CDKAL1: variants seen among roughly 807,000 people sequenced by gnomAD.
CDKAL1 encodes the protein threonylcarbamoyladenosine tRNA methylthiotransferase.
Under a neutral mutation model 68.2 loss-of-function variants are expected in CDKAL1, and 32 were observed. The ratio of observed to expected loss-of-function variants is 0.47; its 90% CI spans 0.35 to 0.63. The LOEUF is 0.63. Ranked by LOEUF, CDKAL1 falls within the 30% of genes least tolerant of loss-of-function variation. The pLI is 0.00. For missense variants in CDKAL1, 606 were observed against 696.7 expected (o/e 0.87, Z 1.47); for synonymous variants, 234 against 244.3 (o/e 0.96, Z 0.39).
chr6:20,634,795 T>A (rs7756031), intron 4 of CDKAL1, among the ~76,000 whole-genome samples: 4 of 151,366 alleles, frequency 2.6e-5, no homozygotes, highest in Non-Finnish European at 5.9e-5. Flanking sequence ...CTGACCAACA[T>A]GGTGAAACCC....
intron 15 of CDKAL1, among the ~76,000 whole-genome samples, chr6:21,208,800 C>T (rs961464231): frequency 6.6e-6 from 1 of 152,082 alleles, no homozygotes; most frequent in African/African-American, 2.4e-5. Flanking sequence ...AGCTTTTATT[C>T]TATGCTGCTG....
At chr6:20,825,746 AT>A (rs955830128) in intron 8 of CDKAL1, among the ~76,000 whole-genome samples, 2 of 152,124 alleles carry the variant, frequency 1.3e-5, no homozygotes, top group African/African-American at 4.8e-5. Flanking sequence ...TAATTAATGA[AT>A]TTTAAATGGT....
At chr6:20,975,052 G>A (rs1435914418) in intron 10 of CDKAL1, among the ~76,000 whole-genome samples, 1 of 149,398 alleles carries the variant, frequency 6.7e-6, no homozygotes, top group Non-Finnish European at 1.5e-5. Context: ...CAAGAAGACT[G>A]TTTTTAGCAA....
chr6:20,862,638 T>TGC (rs1491544443), intron 9 of CDKAL1, among the ~76,000 whole-genome samples: 2 of 24,272 alleles, frequency 8.2e-5, no homozygotes, highest in African/African-American at 2.1e-4. Context: ...TTCCAACTTG[T>TGC]GTGTGTGTGT....
At chr6:21,179,248 G>GA (rs1192841764) in intron 13 of CDKAL1, among the ~76,000 whole-genome samples, 1 of 152,168 alleles carries the variant, frequency 6.6e-6, no homozygotes, top group Admixed American at 6.5e-5. Context: ...GACCTTAGTA[G>GA]AAACACTACC....
At chr6:21,089,952 C>T (rs1202244887) in intron 12 of CDKAL1, among the ~76,000 whole-genome samples, 2 of 152,182 alleles carry the variant, frequency 1.3e-5, no homozygotes, top group Non-Finnish European at 2.9e-5. Flanking sequence ...GAGCTGAGAT[C>T]ATGGTGAGAA....
intron 6 of CDKAL1, among the ~76,000 whole-genome samples, chr6:20,757,541 T>C (rs1030933702): frequency 7.4e-6 from 1 of 135,378 alleles, no homozygotes; most frequent in African/African-American, 2.7e-5. Flanking sequence ...ATATCTTTTT[T>C]ATATATTTAT....
intron 11 of CDKAL1, among the ~76,000 whole-genome samples, chr6:21,029,809 T>TA (rs889852611): frequency 3.9e-5 from 6 of 152,100 alleles, no homozygotes; most frequent in African/African-American, 1.4e-4. Context: ...AAATGGCAGT[T>TA]ATTAAAAAGT....
At chr6:20,742,418 T>C (rs1773498283) in intron 6 of CDKAL1, among the ~76,000 whole-genome samples, 1 of 151,822 alleles carries the variant, frequency 6.6e-6, no homozygotes, top group South Asian at 2.1e-4. Flanking sequence ...AAAATCTATA[T>C]TTCTATCGCC....
chr6:20,864,783 A>G (rs1759815170), intron 9 of CDKAL1, among the ~76,000 whole-genome samples: 1 of 152,176 alleles, frequency 6.6e-6, no homozygotes, highest in South Asian at 2.1e-4. Context: ...GTATTCTTAA[A>G]CATCGACTTC....
intron 15 of CDKAL1, among the ~76,000 whole-genome samples, chr6:21,216,263 T>C (rs1479590100): frequency 6.6e-6 from 1 of 152,158 alleles, no homozygotes; most frequent in African/African-American, 2.4e-5. Context: ...TGGGAACTTA[T>C]CAGACTGATT....
At chr6:20,954,508 C>G (rs1421364696) in intron 9 of CDKAL1, among the ~76,000 whole-genome samples, 1 of 152,072 alleles carries the variant, frequency 6.6e-6, no homozygotes, top group Non-Finnish European at 1.5e-5. Context: ...TCACAGGCTC[C>G]CTTCATTGTT....
chr6:21,206,043 C>CTGTGTTAG (rs1778920728), intron 15 of CDKAL1, among the ~76,000 whole-genome samples: 1 of 143,694 alleles, frequency 7.0e-6, no homozygotes, highest in Admixed American at 7.0e-5. Context: ...CGGGGTTTCA[C>CTGTGTTAG]CATGGTCTCT....
chr6:20,769,173 A>G (rs749224077), intron 7 of CDKAL1, among the ~76,000 whole-genome samples: 6 of 151,906 alleles, frequency 3.9e-5, no homozygotes, highest in South Asian at 2.1e-4. Context: ...GTACATCACA[A>G]TGCAAATGAG....
At chr6:20,760,147 T>A (rs1217503103) in intron 7 of CDKAL1, among the ~76,000 whole-genome samples, 1 of 152,014 alleles carries the variant, frequency 6.6e-6, no homozygotes, top group East Asian at 1.9e-4. Flanking sequence ...TTTTAAAAAT[T>A]ATTTATTTTA....
intron 4 of CDKAL1, among the ~76,000 whole-genome samples, chr6:20,579,290 C>T (rs1581757121): frequency 1.3e-5 from 2 of 152,130 alleles, no homozygotes; most frequent in East Asian, 1.9e-4. Context: ...AGTTGCCTTT[C>T]TTCATAGAAG....
intron 15 of CDKAL1, among the ~76,000 whole-genome samples, chr6:21,225,912 T>G (rs1562131032): frequency 6.6e-6 from 1 of 152,214 alleles, no homozygotes; most frequent in African/African-American, 2.4e-5. Flanking sequence ...ATTTAAATGT[T>G]CAGAACACTT....
chr6:21,154,772 G>A (rs1402764955), intron 13 of CDKAL1, among the ~76,000 whole-genome samples: 4 of 152,046 alleles, frequency 2.6e-5, no homozygotes, highest in Non-Finnish European at 5.9e-5. Flanking sequence ...GGCAGATCAC[G>A]AAGTCAAGAG....
chr6:20,931,350 T>C (rs963502532), intron 9 of CDKAL1, among the ~76,000 whole-genome samples: 3 of 152,190 alleles, frequency 2.0e-5, no homozygotes, highest in African/African-American at 7.2e-5. Flanking sequence ...TTGCTGTCAT[T>C]GAATGGTAAG....
Sources: allele counts gnomAD v4.1 joint callset (sites outside exome capture counted in the v4.1 genomes callset), GRCh38; gene constraint gnomAD v4.1.1; transcripts MANE v1.5; gene names NCBI Gene and HGNC (gene_info 2026-07-23, HGNC 2026-07-21).